CCBE1: variants seen among roughly 807,000 people sequenced by gnomAD.
The protein encoded by CCBE1 is collagen and calcium-binding EGF domain-containing protein 1.
Under a neutral mutation model 50.0 loss-of-function variants are expected in CCBE1, and 37 were observed. The observed-to-expected ratio is 0.74, with a 90% CI of 0.57 to 0.97. CCBE1 has a LOEUF of 0.97. CCBE1 is among the 50% of genes least tolerant of loss of function. The pLI is 0.00. For synonymous variants in CCBE1, 234 were observed against 203.7 expected (o/e 1.15, Z -1.27); for missense variants, 538 against 523.8 (o/e 1.03, Z -0.26).
chr18:59,542,764 C>T (rs1243972459), intron 2 of CCBE1, among the ~76,000 whole-genome samples: 2 of 147,960 alleles, frequency 1.4e-5, no homozygotes, highest in Non-Finnish European at 2.9e-5. Flanking sequence ...ATCCTTTCCT[C>T]CCCGCAGGCA....
chr18:59,516,437 G>A (rs2144312931), intron 2 of CCBE1, among the ~76,000 whole-genome samples: 1 of 152,270 alleles, frequency 6.6e-6, no homozygotes, highest in South Asian at 2.1e-4. Context: ...AATGAGAAGG[G>A]CCAGCAAATA....
chr18:59,457,073 G>GT (rs1911228471), intron 5 of CCBE1, among the ~76,000 whole-genome samples: 1 of 152,234 alleles, frequency 6.6e-6, no homozygotes, highest in African/African-American at 2.4e-5. Flanking sequence ...CTTTAGGCAG[G>GT]TTTTGAATGT....
intron 5 of CCBE1, chr18:59,462,652 G>A (rs184228005): frequency 1.8e-3 from 268 of 151,842 alleles, no homozygotes; most frequent in African/African-American, 6.1e-3. Flanking sequence ...CCAAAGTGCC[G>A]AGATTACAGG....
rs539211592 is a variant in CCBE1 at position 59,562,820 on chromosome 18, G to A, written c.213-82582C>T. ...GGGGTGTGGAAAGCCTCCCTCACAT[G>A]TTGTGGCCACATGTGTCTCTATGTC... On this transcript the variant is annotated intron_variant, in intron 2 of 10. Coordinates refer to ENST00000439986, the MANE Select transcript of CCBE1 (RefSeq NM_133459.4). Among the ~76,000 whole-genome samples the A allele has an allele frequency of 5.9e-5, 9 of 152,262 alleles. No individual in the cohort carries two copies. In the South Asian group the frequency reaches 1.5e-3, roughly 25 times the overall value.
In CCBE1 at chr18:59,438,118, C is replaced by T. The variant is rs757789723; in HGVS notation, c.980G>A (p.Gly327Glu). Residue 327 changes from glycine (G) to glutamate (E), a missense_variant, in exon 10 of 11, where the codon GGG becomes GAG. By Grantham distance (98) the Gly-to-Glu change is moderately conservative. Coordinates refer to ENST00000439986, the MANE Select transcript of CCBE1 (RefSeq NM_133459.4). ...KGERGAPGPRGSPGPPGSFDF... is the reference protein window; with the variant it reads ...KGERGAPGPRESPGPPGSFDF... ...ACACAGAGTGCTACTTACTGGAGAC[C>T]CTCTGGGCCCAGGCGCTCCTCTCTC... 1 of 1,614,044 alleles carries T rather than the reference C, an allele frequency of 6.2e-7. No individual in the cohort carries two copies. The highest frequency in any genetic ancestry group is 1.1e-5 in the South Asian group (1 of 91,058).
At chr18:59,679,626 CAAAAT>C (rs1212390081) in intron 2 of CCBE1, among the ~76,000 whole-genome samples, 1 of 151,950 alleles carries the variant, frequency 6.6e-6, no homozygotes, top group Admixed American at 6.6e-5. Context: ...TTTTCACCCT[CAAAAT>C]AAACTTGAAT....
intron 2 of CCBE1, among the ~76,000 whole-genome samples, chr18:59,680,926 G>A (rs1256936573): frequency 1.3e-5 from 2 of 151,624 alleles, no homozygotes; most frequent in African/African-American, 2.4e-5. Flanking sequence ...AAACTCAAGT[G>A]ATACCTTTTT....
chr18:59,483,033 T>C (rs619524), intron 2 of CCBE1, among the ~76,000 whole-genome samples: 44,186 of 151,964 alleles, frequency 0.29, 6,530 homozygotes, highest in African/African-American at 0.32. Context: ...GGGAACTGCA[T>C]GTCACCTACA....
rs534712200 is a variant in CCBE1, at chr18:59,631,492, A to G, written c.212+65137T>C. Among the ~76,000 whole-genome samples the G allele has an allele frequency of 9.8e-5, 15 of 152,326 alleles. No homozygotes were observed. The Middle Eastern group carries it at 0.01, about 104-fold the overall frequency. Reference sequence around the variant, plus strand: ...TATTGGGATCAATGGAAACACTCCAAAAGATTAAAAGGCACTTATGGAATG... The same window carrying G: ...TATTGGGATCAATGGAAACACTCCAGAAGATTAAAAGGCACTTATGGAATG... On this transcript the variant is annotated intron_variant, in intron 2 of 10. Transcript: ENST00000439986.
intron 2 of CCBE1, among the ~76,000 whole-genome samples, chr18:59,606,543 T>G (rs907873801): frequency 6.6e-6 from 1 of 152,214 alleles, no homozygotes; most frequent in African/African-American, 2.4e-5. Context: ...CCCGTCCGTA[T>G]GTGACTCCCT....
intron 2 of CCBE1, among the ~76,000 whole-genome samples, chr18:59,496,254 A>G (rs1316792866): frequency 6.6e-6 from 1 of 152,144 alleles, no homozygotes; most frequent in Non-Finnish European, 1.5e-5. Flanking sequence ...CCTCTAATTG[A>G]CCATGAACAC....
chr18:59,626,107 G>A (rs2053781107), intron 2 of CCBE1, among the ~76,000 whole-genome samples: 1 of 152,162 alleles, frequency 6.6e-6, no homozygotes, highest in African/African-American at 2.4e-5. Context: ...GCGCAGAAGT[G>A]GATAGTCCAA....
chr18:59,659,412 G>T (rs1386654412), intron 2 of CCBE1, among the ~76,000 whole-genome samples: 2 of 151,896 alleles, frequency 1.3e-5, no homozygotes, highest in East Asian at 3.9e-4. Flanking sequence ...ATTCTTAGAA[G>T]TGCTTTATGC....
intron 2 of CCBE1, among the ~76,000 whole-genome samples, chr18:59,565,036 G>A (rs2052799742): frequency 6.6e-6 from 1 of 152,176 alleles, no homozygotes; most frequent in African/African-American, 2.4e-5. Flanking sequence ...TGCTCATGAT[G>A]GGCTTGGCTA....
chr18:59,490,386 CCTTT>C (rs1319411474), intron 2 of CCBE1, among the ~76,000 whole-genome samples: 1 of 109,012 alleles, frequency 9.2e-6, no homozygotes, highest in Non-Finnish European at 1.8e-5. Flanking sequence ...GGATATTCCC[CCTTT>C]TTTTTTTTTT....
At chr18:59,527,213 G>C (rs1167352265) in intron 2 of CCBE1, among the ~76,000 whole-genome samples, 2 of 152,164 alleles carry the variant, frequency 1.3e-5, no homozygotes, top group Non-Finnish European at 2.9e-5. Flanking sequence ...ATTTAGGATA[G>C]CTTTTCTTGT....
chr18:59,443,973 A>G (rs184777740), intron 7 of CCBE1, among the ~76,000 whole-genome samples: 5 of 152,208 alleles, frequency 3.3e-5, no homozygotes, highest in Admixed American at 1.3e-4. Context: ...GATACCTTAT[A>G]TAAGTGTTAA....
At chr18:59,486,062 G>A (rs956151704) in intron 2 of CCBE1, among the ~76,000 whole-genome samples, 7 of 152,110 alleles carry the variant, frequency 4.6e-5, no homozygotes, top group Admixed American at 1.3e-4. Context: ...GATTGCTTGC[G>A]CCTTGCTCCT....
chr18:59,442,259 A>G (rs1439847662), intron 7 of CCBE1, among the ~76,000 whole-genome samples: 1 of 152,178 alleles, frequency 6.6e-6, no homozygotes, highest in African/African-American at 2.4e-5. Context: ...TAAACTCGGT[A>G]TAGTCTCAGT....
Sources: allele counts gnomAD v4.1 joint callset (sites outside exome capture counted in the v4.1 genomes callset), GRCh38; gene constraint gnomAD v4.1.1; transcripts MANE v1.5; gene names NCBI Gene and HGNC (gene_info 2026-07-23, HGNC 2026-07-21).